Variants in ATP8A1 observed in about 807,000 individuals in gnomAD.
The protein encoded by ATP8A1 is ATPase phospholipid transporting 8A1, also known as phospholipid-transporting ATPase IA.
Under a neutral mutation model 177.7 loss-of-function variants are expected in ATP8A1, and 90 were observed. That is an observed-to-expected ratio of 0.51 (90% CI 0.43 to 0.60). ATP8A1 has a LOEUF of 0.60. Among genes scored for constraint, ATP8A1 ranks in the 20% least tolerant of loss-of-function variants. The pLI is 0.00. For synonymous variants in ATP8A1, 493 were observed against 485.9 expected, an observed-to-expected ratio of 1.01 and a Z score of -0.19; for missense variants, 1,072 against 1,392.8, an observed-to-expected ratio of 0.77 and a Z score of 3.67.
chr4:42,605,824 T>C (rs1735744055), intron 5 of ATP8A1, among the ~76,000 whole-genome samples: 1 of 152,240 alleles, frequency 6.6e-6, no homozygotes, highest in Admixed American at 6.5e-5. Context: ...AAATGTGGCA[T>C]ACTGCCCAAA....
At chr4:42,600,368 T>A (rs1735123569) in intron 6 of ATP8A1, 110 bp downstream of exon 6, 1 of 745,484 alleles carries the variant, frequency 1.3e-6, no homozygotes, top group Non-Finnish European at 2.0e-6. Context: ...AAATAGCTTT[T>A]ATATTAGTAA....
rs1405156814 is a variant in ATP8A1 at position 42,509,879 on chromosome 4, T to G, written c.1948-2725A>C. The stretch of plus-strand genomic sequence containing the variant: ...AAAAAAAAAAAAAAAAAAAAGTTAT[T>G]GTTTCTTTTAAGCTTTCCTTTATTT... On this transcript the variant is annotated intron_variant, in intron 22 of 36. Coordinates refer to ENST00000381668, the MANE Select transcript of ATP8A1 (RefSeq NM_006095.2). Among the ~76,000 whole-genome samples, 4 of 151,666 alleles carry G rather than the reference T, an allele frequency of 2.6e-5. No individual in the cohort carries two copies. In the East Asian group the frequency reaches 7.7e-4, roughly 29 times the overall value.
chr4:42,522,053 A>G, intron 22 of ATP8A1, 107 bp downstream of exon 22: 7 of 1,263,498 alleles, frequency 5.5e-6, no homozygotes, highest in Non-Finnish European at 7.6e-6. Flanking sequence ...TCAATAGTGA[A>G]TGGTATGTCA....
At chr4:42,452,443 T>C (rs1032268058) in intron 29 of ATP8A1, among the ~76,000 whole-genome samples, 3 of 152,240 alleles carry the variant, frequency 2.0e-5, no homozygotes, top group Non-Finnish European at 4.4e-5. Flanking sequence ...AATCCCTTTA[T>C]ATTCCCCACA....
chr4:42,552,257 CT>C (rs1356348292), intron 17 of ATP8A1, among the ~76,000 whole-genome samples: 4 of 152,144 alleles, frequency 2.6e-5, no homozygotes. Context: ...ACATTTTTCA[CT>C]TATGAGAATT....
At chr4:42,529,133 C>G (rs1232294898) in intron 20 of ATP8A1, among the ~76,000 whole-genome samples, 1 of 152,164 alleles carries the variant, frequency 6.6e-6, no homozygotes, top group Non-Finnish European at 1.5e-5. Flanking sequence ...AGAACGGACA[C>G]AGGTCCAGGC....
At chr4:42,586,293 G>A in intron 9 of ATP8A1, 56 bp downstream of exon 9, 1 of 1,588,918 alleles carries the variant, frequency 6.3e-7, no homozygotes, top group Middle Eastern at 1.7e-4. Flanking sequence ...AGAAGACACA[G>A]CAATACTCTA....
At chr4:42,639,528 C>T (rs182211473) in intron 1 of ATP8A1, among the ~76,000 whole-genome samples, 2 of 151,886 alleles carry the variant, frequency 1.3e-5, no homozygotes, top group Admixed American at 6.5e-5. Flanking sequence ...AACATTAGTT[C>T]GAAGAACTAA....
In ATP8A1 at chr4:42,602,377, G is replaced by A. The variant is rs189986814; in HGVS notation, c.410-1859C>T. Among the ~76,000 whole-genome samples, 360 of 152,302 alleles carry A rather than the reference G, an allele frequency of 2.4e-3. 5 individuals are homozygous for A. The highest frequency in any genetic ancestry group is 0.023 in the Admixed American group (346 of 15,300). On this transcript the variant is annotated intron_variant, in intron 5 of 36. Coordinates refer to ENST00000381668, the MANE Select transcript of ATP8A1 (RefSeq NM_006095.2). ...GTAGGGGTTTGGTGTTTCTGACCCG[G>A]AGTCAAAACAGCCTCCGGTAGAAAA...
At chr4:42,432,485 T>C (rs563881347) in intron 33 of ATP8A1, among the ~76,000 whole-genome samples, 2 of 152,280 alleles carry the variant, frequency 1.3e-5, no homozygotes, top group East Asian at 3.9e-4. Flanking sequence ...GAAAGTGTCT[T>C]TGTGTTCCAG....
intron 33 of ATP8A1, among the ~76,000 whole-genome samples, chr4:42,442,239 T>C (rs1346480242): frequency 6.6e-6 from 1 of 152,196 alleles, no homozygotes; most frequent in Non-Finnish European, 1.5e-5. Context: ...CAAAGACTTA[T>C]GTCTAATGAA....
At chr4:42,450,537 G>A (rs1408522997) in intron 30 of ATP8A1, among the ~76,000 whole-genome samples, 1 of 152,150 alleles carries the variant, frequency 6.6e-6, no homozygotes, top group Non-Finnish European at 1.5e-5. Flanking sequence ...TAATTCTCCT[G>A]GCCTCCAGGG....
chr4:42,613,512 G>A (rs1201152658), intron 5 of ATP8A1, among the ~76,000 whole-genome samples: 4 of 152,012 alleles, frequency 2.6e-5, no homozygotes, highest in Non-Finnish European at 5.9e-5. Flanking sequence ...AATTTAAATA[G>A]TAAATATGTA....
intron 33 of ATP8A1, among the ~76,000 whole-genome samples, chr4:42,426,950 A>C (rs532700026): frequency 1.3e-5 from 2 of 152,242 alleles, no homozygotes; most frequent in Non-Finnish European, 2.9e-5. Flanking sequence ...GGCATAATAT[A>C]TTAATTTTGG....
At chr4:42,571,892 TATTAAA>T (rs937297793) in intron 14 of ATP8A1, among the ~76,000 whole-genome samples, 1 of 152,216 alleles carries the variant, frequency 6.6e-6, no homozygotes, top group Non-Finnish European at 1.5e-5. Flanking sequence ...AAAGAAAATT[TATTAAA>T]ATTAAATTCT....
intron 30 of ATP8A1, among the ~76,000 whole-genome samples, chr4:42,447,592 T>C (rs564553834): frequency 1.3e-5 from 2 of 152,286 alleles, no homozygotes; most frequent in Admixed American, 6.5e-5. Flanking sequence ...AAATCATTGA[T>C]ACCATTGAAA....
At chr4:42,422,965 GT>G in intron 34 of ATP8A1, 66 bp from the exon 35 acceptor site, 2 of 1,282,694 alleles carry the variant, frequency 1.6e-6, no homozygotes, top group Non-Finnish European at 2.2e-6. Context: ...AAAACTAGAT[GT>G]CTGGCTTATT....
At position 42,625,838 on chromosome 4, in the gene ATP8A1, G is replaced by A. The variant is rs1738007723; in HGVS notation, c.165-125C>T. ...ATTTGCCGGCTGTTTCAAATTGGGAGAATATTGCAAAGGGTCATTAACCTA... is the reference window on the plus strand; with the variant it reads ...ATTTGCCGGCTGTTTCAAATTGGGAAAATATTGCAAAGGGTCATTAACCTA... On this transcript the variant is annotated intron_variant, in intron 2 of 36. Coordinates refer to ENST00000381668, the MANE Select transcript of ATP8A1 (RefSeq NM_006095.2). 1.0e-5 allele frequency: 5 copies of A among 501,568 alleles called. No homozygotes were observed. The South Asian group carries it at 2.0e-4, about 20-fold the overall frequency. 31.1% of individuals were successfully genotyped at this position (501,568 alleles called of 1,614,324 possible).
rs1482087099 is a variant in ATP8A1, at chr4:42,479,995, C to CG, written c.2324+5500_2324+5501insC. Among the ~76,000 whole-genome samples, 101 of 24,350 alleles carry CG rather than the reference C, an allele frequency of 4.1e-3. 2 individuals are homozygous for CG. In the East Asian group the frequency reaches 0.11, roughly 28 times the overall value. The allele number at this position is 24,350 out of a possible 152,430, so 16.0% of individuals were successfully genotyped here. ...TAGAATTATGTAATCTGCAGTTCTG[C>CG]TTGTGTGTGTGTGTGTGTGTGTGTG... On this transcript the variant is annotated intron_variant, in intron 25 of 36. Coordinates refer to ENST00000381668, the MANE Select transcript of ATP8A1 (RefSeq NM_006095.2).
Sources: gnomAD v4.1 joint callset for allele counts (sites outside exome capture counted in the v4.1 genomes callset) on GRCh38, gnomAD v4.1.1 for gene constraint, MANE v1.5 for transcripts, NCBI Gene and HGNC (gene_info 2026-07-23, HGNC 2026-07-21) for gene names.